The following ELL variants were observed in gnomAD, a reference collection of about 807,000 sequenced individuals.
ELL encodes the protein RNA polymerase II elongation factor ELL.
ELL carries 18 observed loss-of-function variants against 64.0 expected under a neutral mutation model. The ratio of observed to expected loss-of-function variants is 0.28; its 90% CI spans 0.19 to 0.42. ELL has a LOEUF of 0.42. Among genes scored for constraint, ELL ranks in the 10% least tolerant of loss-of-function variants. ELL has a pLI of 1.00. For missense variants in ELL, 797 were observed against 870.4 expected, an observed-to-expected ratio of 0.92 and a Z score of 1.06; for synonymous variants, 399 against 376.2, an observed-to-expected ratio of 1.06 and a Z score of -0.70.
At chr19:18,518,790 CA>C (rs57211923) in intron 1 of ELL, among the ~76,000 whole-genome samples, 225 of 129,730 alleles carry the variant, frequency 1.7e-3, no homozygotes, top group East Asian at 0.01. Flanking sequence ...GACCCTGTCT[CA>C]AAAAAAAAAA....
At chr19:18,445,942 G>C (rs540379021) in intron 10 of ELL, among the ~76,000 whole-genome samples, 1 of 151,994 alleles carries the variant, frequency 6.6e-6, no homozygotes, top group Non-Finnish European at 1.5e-5. Context: ...GCTCAGCTGC[G>C]GAGTCTCCTG....
At chr19:18,476,537 T>G (rs982725537) in intron 1 of ELL, among the ~76,000 whole-genome samples, 6 of 151,378 alleles carry the variant, frequency 4.0e-5, no homozygotes, top group African/African-American at 1.2e-4. Context: ...TTAACCAGGT[T>G]CTGGTAGCTG....
At chr19:18,519,764 G>A (rs1416884322) in intron 1 of ELL, among the ~76,000 whole-genome samples, 1 of 144,232 alleles carries the variant, frequency 6.9e-6, no homozygotes, top group Non-Finnish European at 1.5e-5. Flanking sequence ...CCGGGATCGC[G>A]CCACCTCAAT....
At chr19:18,520,180 G>C (rs1483852096) in intron 1 of ELL, among the ~76,000 whole-genome samples, 1 of 152,202 alleles carries the variant, frequency 6.6e-6, no homozygotes, top group East Asian at 1.9e-4. Context: ...CAGCATCAGA[G>C]AGAAGGCGGA....
At chr19:18,496,246 C>T (rs1014150666) in intron 1 of ELL, among the ~76,000 whole-genome samples, 11 of 152,124 alleles carry the variant, frequency 7.2e-5, no homozygotes, top group African/African-American at 2.7e-4. Flanking sequence ...AGTGTGTGGG[C>T]GTGGTTGTGA....
intron 10 of ELL, 91 bp from the exon 11 acceptor site, chr19:18,445,359 G>A (rs974783785): frequency 6.6e-6 from 8 of 1,219,890 alleles, no homozygotes; most frequent in South Asian, 6.0e-5. Flanking sequence ...TGAGAAGGGG[G>A]CATGGGAGGG....
At chr19:18,461,515 C>T (rs1418070339) in intron 5 of ELL, 63 bp downstream of exon 5, 1 of 1,540,898 alleles carries the variant, frequency 6.5e-7, no homozygotes, top group Non-Finnish European at 8.7e-7. Context: ...CTGGCCCATC[C>T]CACCCGCACA....
At chr19:18,475,136 A>C (rs777904817) in intron 1 of ELL, among the ~76,000 whole-genome samples, 31 of 152,212 alleles carry the variant, frequency 2.0e-4, no homozygotes, top group Non-Finnish European at 3.7e-4. Flanking sequence ...CAACAGCAAC[A>C]AAAAAGAATT....
At chr19:18,488,766 C>G (rs529530718) in intron 1 of ELL, among the ~76,000 whole-genome samples, 1 of 152,282 alleles carries the variant, frequency 6.6e-6, no homozygotes, top group South Asian at 2.1e-4. Context: ...CTCAGGGAAG[C>G]CAGGTGCCTT....
chr19:18,495,808 A>G (rs1975638832), intron 1 of ELL, among the ~76,000 whole-genome samples: 3 of 152,210 alleles, frequency 2.0e-5, no homozygotes. Flanking sequence ...AATACTGACC[A>G]AGACCTGGGC....
chr19:18,519,048 T>TA (rs1976195014), intron 1 of ELL, among the ~76,000 whole-genome samples: 1 of 151,616 alleles, frequency 6.6e-6, no homozygotes, highest in Admixed American at 6.6e-5. Flanking sequence ...CCTGAATTTG[T>TA]AAAAGCCTCT....
intron 1 of ELL, among the ~76,000 whole-genome samples, chr19:18,516,103 A>G (rs759046631): frequency 2.0e-5 from 3 of 152,080 alleles, no homozygotes; most frequent in Non-Finnish European, 4.4e-5. Flanking sequence ...GGAAGGGAAG[A>G]TAAGTCGGGC....
At chr19:18,512,360 A>G (rs953220562) in intron 1 of ELL, among the ~76,000 whole-genome samples, 21 of 151,514 alleles carry the variant, frequency 1.4e-4, no homozygotes, top group African/African-American at 4.8e-4. Context: ...GAAACAGGCC[A>G]GGTGCGGTGA....
intron 1 of ELL, among the ~76,000 whole-genome samples, chr19:18,511,448 C>A (rs1976021051): frequency 6.6e-6 from 1 of 152,104 alleles, no homozygotes; most frequent in South Asian, 2.1e-4. Flanking sequence ...TCCAAAAGAA[C>A]TGAAAGCAGG....
rs939725651 is a variant in ELL, at chr19:18,443,933, G to A, written c.*819C>T. 5 of 232,614 alleles carry A rather than the reference G, an allele frequency of 2.1e-5. No homozygotes were observed. The highest frequency in any genetic ancestry group is 6.6e-5 in the African/African-American group (3 of 45,302). The allele number at this position is 232,614 out of a possible 1,614,324, so 14.4% of individuals were successfully genotyped here. A position where few individuals can be genotyped will look rare whatever the true frequency, so the allele number is the denominator to read the frequency against. Reference sequence around the variant, plus strand: ...CAGCAGCAGCAACAAATGGGAAACCGAGGACATCGCAAAGAAAAGTCTGAC... The same window carrying A: ...CAGCAGCAGCAACAAATGGGAAACCAAGGACATCGCAAAGAAAAGTCTGAC... On this transcript the variant is annotated 3_prime_UTR_variant, in exon 12 of 12. Transcript: ENST00000262809.
intron 1 of ELL, among the ~76,000 whole-genome samples, chr19:18,498,684 T>C (rs1156234087): frequency 6.6e-6 from 1 of 152,110 alleles, no homozygotes; most frequent in Non-Finnish European, 1.5e-5. Context: ...AAGCTGGGTG[T>C]GGTGGCTCAT....
intron 1 of ELL, among the ~76,000 whole-genome samples, chr19:18,516,097 G>C (rs1976121665): frequency 6.6e-6 from 1 of 152,166 alleles, no homozygotes; most frequent in Non-Finnish European, 1.5e-5. Context: ...CCACCGGGAA[G>C]GGAAGATAAG....
At chr19:18,446,962 T>A in intron 8 of ELL, 148 bp from the exon 9 acceptor site, 1 of 908,402 alleles carries the variant, frequency 1.1e-6, no homozygotes, top group Non-Finnish European at 1.7e-6. Flanking sequence ...GTGTGGCAGG[T>A]GCAAGGGCTG....
At chr19:18,472,653 G>C (rs1000899417) in intron 2 of ELL, 182 bp downstream of exon 2, 2 of 682,866 alleles carry the variant, frequency 2.9e-6, no homozygotes, top group African/African-American at 3.7e-5. Flanking sequence ...ACGTGCACCC[G>C]ACACGTCCTG....
Sources: allele counts gnomAD v4.1 joint callset (sites outside exome capture counted in the v4.1 genomes callset), GRCh38; gene constraint gnomAD v4.1.1; transcripts MANE v1.5; gene names NCBI Gene and HGNC (gene_info 2026-07-23, HGNC 2026-07-21).